FTO: variants seen among roughly 807,000 people sequenced by gnomAD.
FTO encodes FTO alpha-ketoglutarate dependent dioxygenase, also known as alpha-ketoglutarate-dependent dioxygenase FTO.
Under a neutral mutation model 63.9 loss-of-function variants are expected in FTO, and 47 were observed. The ratio of observed to expected loss-of-function variants is 0.74; its 90% CI spans 0.58 to 0.94. The LOEUF is 0.94. Among genes scored for constraint, FTO ranks in the 40% least tolerant of loss-of-function variants. The pLI, the probability that FTO is intolerant of heterozygous loss-of-function variation, is 0.00. For synonymous variants in FTO, 207 were observed against 224.4 expected (o/e 0.92, Z 0.69); for missense variants, 562 against 618.1 (o/e 0.91, Z 0.96).
At chr16:53,852,446 G>A (rs766434391) in intron 4 of FTO, among the ~76,000 whole-genome samples, 1 of 152,092 alleles carries the variant, frequency 6.6e-6, no homozygotes, top group African/African-American at 2.4e-5. Flanking sequence ...AGTGTGTAAT[G>A]TGGGGAATTA....
At chr16:54,111,612 C>T in intron 8 of FTO, 150 bp from the exon 9 acceptor site, 1 of 817,940 alleles carries the variant, frequency 1.2e-6, no homozygotes, top group East Asian at 2.4e-5. Context: ...CACCTGCGTT[C>T]CACCTGTAGA....
At chr16:53,856,515 C>T (rs1423742184) in intron 4 of FTO, among the ~76,000 whole-genome samples, 3 of 151,962 alleles carry the variant, frequency 2.0e-5, no homozygotes, top group South Asian at 2.1e-4. Flanking sequence ...ATTGAGAGAC[C>T]GAGGCAGGTG....
At chr16:53,961,410 A>G (rs1309626056) in intron 8 of FTO, among the ~76,000 whole-genome samples, 2 of 152,220 alleles carry the variant, frequency 1.3e-5, no homozygotes, top group African/African-American at 4.8e-5. Context: ...ACTTGATCCT[A>G]GCTGTTGAAC....
In FTO at chr16:53,921,063, TGCAG is replaced by T. The variant is rs766581691; in HGVS notation, c.1240-12917_1240-12914del. Among the ~76,000 whole-genome samples, 10 of 152,344 alleles carry T rather than the reference TGCAG, an allele frequency of 6.6e-5. 1 individual carries two copies. The highest frequency in any genetic ancestry group is 5.8e-4 in the East Asian group (3 of 5,184). On this transcript the variant is annotated intron_variant, in intron 7 of 8. Coordinates refer to ENST00000471389, the MANE Select transcript of FTO (RefSeq NM_001080432.3). ...TGTGTAGAAAACATATGTTCAGTGATGCAGGCAGCAGTTGGGTTAAAGACACACT... is the reference window on the plus strand; with the variant it reads ...TGTGTAGAAAACATATGTTCAGTGATGCAGCAGTTGGGTTAAAGACACACT...
chr16:53,899,518 T>A (rs573420018), intron 7 of FTO, among the ~76,000 whole-genome samples: 14 of 152,326 alleles, frequency 9.2e-5, no homozygotes, highest in Admixed American at 2.6e-4. Context: ...ACTGACTTCC[T>A]CTAGACAAGC....
intron 8 of FTO, among the ~76,000 whole-genome samples, chr16:53,979,894 G>C (rs1375337891): frequency 6.6e-6 from 1 of 152,094 alleles, no homozygotes; most frequent in East Asian, 1.9e-4. Context: ...CTGTTACTTT[G>C]CCCCCTCTCT....
intron 1 of FTO, among the ~76,000 whole-genome samples, chr16:53,751,239 C>G (rs570124938): frequency 3.3e-5 from 5 of 152,130 alleles, no homozygotes; most frequent in Admixed American, 1.3e-4. Context: ...GAGACCCTCT[C>G]TCTATTAAAA....
intron 1 of FTO, among the ~76,000 whole-genome samples, chr16:53,805,118 T>C (rs2078328697): frequency 6.6e-6 from 1 of 152,074 alleles, no homozygotes; most frequent in African/African-American, 2.4e-5. Flanking sequence ...CCTGACACAA[T>C]AGGATGCATA....
chr16:53,767,584 A>AT (rs35418808), intron 1 of FTO, among the ~76,000 whole-genome samples: 3,388 of 150,594 alleles, frequency 0.022, 46 homozygotes, highest in Middle Eastern at 0.099. Context: ...GGCTTTATGA[A>AT]TTTTTTTTTT....
rs148633990 is a variant in FTO at position 53,850,520 on chromosome 16, G to A, written c.895+6222G>A. ...GAATTTACTCTAAGGATAGGGATCT[G>A]AGCAGGTTCCTGAGTACTTGAAAGG... On this transcript the variant is annotated intron_variant, in intron 4 of 8. Transcript: ENST00000471389. Among the ~76,000 whole-genome samples, 523 of 152,192 alleles carry A rather than the reference G, an allele frequency of 3.4e-3. 3 individuals carry two copies. The highest frequency in any genetic ancestry group is 0.012 in the African/African-American group (501 of 41,526).
intron 1 of FTO, among the ~76,000 whole-genome samples, chr16:53,754,866 A>G (rs1423627343): frequency 6.6e-6 from 1 of 152,202 alleles, no homozygotes; most frequent in Non-Finnish European, 1.5e-5. Flanking sequence ...ATGTTCTTCC[A>G]GGTACTTCTG....
chr16:53,889,168 G>T (rs2081084282), intron 7 of FTO, among the ~76,000 whole-genome samples: 1 of 152,204 alleles, frequency 6.6e-6, no homozygotes, highest in Non-Finnish European at 1.5e-5. Flanking sequence ...TAGGGCATGT[G>T]CTGGACATAT....
chr16:53,848,828 C>G (rs2151828600), intron 4 of FTO, among the ~76,000 whole-genome samples: 1 of 152,186 alleles, frequency 6.6e-6, no homozygotes, highest in Non-Finnish European at 1.5e-5. Flanking sequence ...AAGGTGAGTG[C>G]TAGGTAAACA....
At chr16:53,857,031 CA>C (rs2080020109) in intron 4 of FTO, among the ~76,000 whole-genome samples, 1 of 151,974 alleles carries the variant, frequency 6.6e-6, no homozygotes, top group Admixed American at 6.5e-5. Context: ...GTGGATGCCA[CA>C]ACTTTTTCCC....
chr16:54,054,638 T>G (rs2144350185), intron 8 of FTO: 1 of 152,310 alleles, frequency 6.6e-6, no homozygotes, highest in Middle Eastern at 3.4e-3. Context: ...AAGGCTAAAG[T>G]GCTGAGGACA....
intron 8 of FTO, among the ~76,000 whole-genome samples, chr16:54,076,243 A>G (rs2085989977): frequency 6.6e-6 from 1 of 152,150 alleles, no homozygotes; most frequent in Non-Finnish European, 1.5e-5. Context: ...CCTCCTGGTG[A>G]TGTGTGTTTG....
chr16:53,900,177 T>A (rs2151924475), intron 7 of FTO, among the ~76,000 whole-genome samples: 1 of 152,356 alleles, frequency 6.6e-6, no homozygotes, highest in East Asian at 1.9e-4. Flanking sequence ...GGTGGCCTTC[T>A]GGGATTCTCA....
intron 8 of FTO, among the ~76,000 whole-genome samples, chr16:54,041,346 G>A (rs2085070386): frequency 6.6e-6 from 1 of 151,984 alleles, no homozygotes; most frequent in Non-Finnish European, 1.5e-5. Flanking sequence ...AACAGCATGG[G>A]GGAAACCGCC....
At chr16:53,993,365 C>G (rs2083858479) in intron 8 of FTO, 1 of 152,016 alleles carries the variant, frequency 6.6e-6, no homozygotes, top group Non-Finnish European at 1.5e-5. Context: ...TTTTAATATC[C>G]CTTTTATGGT....
Sources: gnomAD v4.1 joint callset for allele counts (sites outside exome capture counted in the v4.1 genomes callset) on GRCh38, gnomAD v4.1.1 for gene constraint, MANE v1.5 for transcripts, NCBI Gene and HGNC (gene_info 2026-07-23, HGNC 2026-07-21) for gene names.